CAAP1: variants seen among roughly 807,000 people sequenced by gnomAD.
The protein encoded by CAAP1 is caspase activity and apoptosis inhibitor 1.
In CAAP1, 20 loss-of-function variants were observed where a neutral mutation model predicts 34.0. The ratio of observed to expected loss-of-function variants is 0.59; its 90% CI spans 0.41 to 0.86. The LOEUF (loss-of-function observed/expected upper bound fraction) is 0.86, where lower values mean the gene tolerates loss of function less well. Ranked by LOEUF, CAAP1 falls within the 40% of genes least tolerant of loss-of-function variation. The pLI is 0.00. For missense variants in CAAP1, 538 were observed against 450.5 expected (o/e 1.19, Z -1.76); for synonymous variants, 213 against 166.7 (o/e 1.28, Z -2.14).
intron 4 of CAAP1, among the ~76,000 whole-genome samples, chr9:26,869,048 T>C (rs1347451798): frequency 6.6e-6 from 1 of 152,148 alleles, no homozygotes; most frequent in Non-Finnish European, 1.5e-5. Context: ...TTAAAATGTC[T>C]AATATACTGA....
chr9:26,874,535 A>G (rs931313860), intron 4 of CAAP1, among the ~76,000 whole-genome samples: 4 of 152,144 alleles, frequency 2.6e-5, no homozygotes, highest in African/African-American at 9.7e-5. Context: ...CGCTCCCTGT[A>G]CCCACCCCAA....
chr9:26,842,236 A>G lies in CAAP1; in HGVS notation c.*65T>C, dbSNP rs1822497923. On this transcript the variant is annotated 3_prime_UTR_variant, in exon 6 of 6. Transcript: ENST00000333916. ...ACATATAAGACCCCAAATAAATTTT[A>G]GATACAAAATTAAATGATGTGGCTT... 1 of 1,291,906 alleles carries G rather than the reference A, an allele frequency of 7.7e-7. No individual in the cohort carries two copies. Among genetic ancestry groups the G allele is most frequent in the Non-Finnish European group, 1.1e-6 (1 of 943,642 alleles). The allele number at this position is 1,291,906 out of a possible 1,614,324, so 80.0% of individuals were successfully genotyped here.
intron 4 of CAAP1, among the ~76,000 whole-genome samples, chr9:26,873,330 T>C (rs957283560): frequency 6.6e-6 from 1 of 152,224 alleles, no homozygotes; most frequent in African/African-American, 2.4e-5. Flanking sequence ...CATGATACTA[T>C]CTCAACACTG....
intron 4 of CAAP1, among the ~76,000 whole-genome samples, chr9:26,865,209 AG>A (rs1297886846): frequency 6.6e-6 from 1 of 152,214 alleles, no homozygotes; most frequent in Non-Finnish European, 1.5e-5. Flanking sequence ...GAATTTTTTA[AG>A]CAAAAGTAAA....
intron 4 of CAAP1, among the ~76,000 whole-genome samples, chr9:26,867,482 T>C (rs1205083657): frequency 2.0e-5 from 3 of 152,168 alleles, no homozygotes; most frequent in Admixed American, 6.5e-5. Flanking sequence ...CCTTTTGCTA[T>C]AAAAACTAAC....
At position 26,841,934 on chromosome 9, in the gene CAAP1, G is replaced by A. The variant is rs1311142659; in HGVS notation, c.*367C>T. 1 of 161,760 alleles carries A rather than the reference G, an allele frequency of 6.2e-6. No homozygotes were observed. The highest frequency in any genetic ancestry group is 2.4e-5 in the African/African-American group (1 of 41,786). The allele number at this position is 161,760 out of a possible 1,614,324, so 10.0% of individuals were successfully genotyped here. A position where few individuals can be genotyped will look rare whatever the true frequency, so the allele number is the denominator to read the frequency against. On this transcript the variant is annotated 3_prime_UTR_variant, in exon 6 of 6. Coordinates refer to ENST00000333916, the MANE Select transcript of CAAP1 (RefSeq NM_024828.4). ...TTGTAAAATACAAGTAGCCTTAAGAGAAACATGCTTCGTCAATCTTTTGCT... is the reference window on the plus strand; with the variant it reads ...TTGTAAAATACAAGTAGCCTTAAGAAAAACATGCTTCGTCAATCTTTTGCT...
rs1823853761 is a variant in CAAP1 at position 26,889,787 on chromosome 9, G to A, written c.304-2274C>T. 1.4e-5 allele frequency among the ~76,000 whole-genome samples: 2 copies of A among 144,566 alleles called. 1 individual carries two copies. The highest frequency in any genetic ancestry group is 5.2e-5 in the African/African-American group (2 of 38,340). The allele number at this position is 144,566 out of a possible 152,430, so 94.8% of individuals were successfully genotyped here. A position where few individuals can be genotyped will look rare whatever the true frequency, so the allele number is the denominator to read the frequency against. On this transcript the variant is annotated intron_variant, in intron 1 of 5. Coordinates refer to ENST00000333916, the MANE Select transcript of CAAP1 (RefSeq NM_024828.4). ...GGAGGCTGAGGCAGGAGAATGGCGT[G>A]AACCCAGGAGGCGGCGCTTGCAGTG...
Position 26,892,637 on chromosome 9 carries a change from C to G in CAAP1, c.79G>C (p.Asp27His). ...CCGCTGGCCAACGCGGGTACGATGT[C>G]CGGGGCCGCGAGCGCTGCGGCCGCC... ...QEAAAALAAP[D>H]IVPALASGSS... Residue 27 changes from aspartate to histidine, a missense_variant, in exon 1 of 6, where the codon GAC becomes CAC. By Grantham distance (81) the Asp-to-His change is moderately conservative (BLOSUM62 -1). Transcript: ENST00000333916. 1 of 1,608,696 alleles carries G rather than the reference C, an allele frequency of 6.2e-7. No homozygotes were observed. The highest frequency in any genetic ancestry group is 8.5e-7 in the Non-Finnish European group (1 of 1,179,320).
intron 4 of CAAP1, among the ~76,000 whole-genome samples, chr9:26,883,036 C>A (rs1823635757): frequency 6.6e-6 from 1 of 152,166 alleles, no homozygotes; most frequent in Non-Finnish European, 1.5e-5. Context: ...TTTGATTTTA[C>A]AGGCTCATAG....
chr9:26,863,859 A>C (rs1823064249), intron 4 of CAAP1, among the ~76,000 whole-genome samples: 1 of 151,056 alleles, frequency 6.6e-6, no homozygotes, highest in Non-Finnish European at 1.5e-5. Flanking sequence ...TGCAGTGATC[A>C]CAGCTCATTG....
chr9:26,882,144 C>T (rs1383746100), intron 4 of CAAP1, among the ~76,000 whole-genome samples: 2 of 152,184 alleles, frequency 1.3e-5, no homozygotes. Flanking sequence ...AGAAAATTTG[C>T]AGCCTGCCAA....
At chr9:26,848,372 C>T (rs1056513349) in intron 5 of CAAP1, among the ~76,000 whole-genome samples, 1 of 152,204 alleles carries the variant, frequency 6.6e-6, no homozygotes, top group Non-Finnish European at 1.5e-5. Flanking sequence ...AAAAATTAGC[C>T]GGGCCTGGTG....
chr9:26,869,993 C>CT, intron 4 of CAAP1: 1 of 908,436 alleles, frequency 1.1e-6, no homozygotes, highest in Non-Finnish European at 1.3e-6. Flanking sequence ...GGAAAAATGA[C>CT]AATAGATACA....
At chr9:26,888,399 C>G (rs1823807546) in intron 1 of CAAP1, among the ~76,000 whole-genome samples, 1 of 152,224 alleles carries the variant, frequency 6.6e-6, no homozygotes, top group African/African-American at 2.4e-5. Flanking sequence ...CTATGACAGT[C>G]TTTCCTCCCT....
At chr9:26,877,273 T>C (rs1201528712) in intron 4 of CAAP1, among the ~76,000 whole-genome samples, 6 of 152,168 alleles carry the variant, frequency 3.9e-5, no homozygotes, top group East Asian at 1.9e-4. Context: ...AGTATGTATA[T>C]GCAAATATTC....
At chr9:26,867,756 C>T (rs573036199) in intron 4 of CAAP1, among the ~76,000 whole-genome samples, 2 of 151,980 alleles carry the variant, frequency 1.3e-5, no homozygotes, top group African/African-American at 2.4e-5. Context: ...ATTAATATGT[C>T]CATAAGTATA....
chr9:26,862,572 G>A (rs1256082473), intron 4 of CAAP1, among the ~76,000 whole-genome samples: 1 of 152,050 alleles, frequency 6.6e-6, no homozygotes, highest in Admixed American at 6.6e-5. Flanking sequence ...ACTCAAAATG[G>A]AAATGAGTAA....
At chr9:26,854,237 A>G (rs1268294881) in intron 5 of CAAP1, among the ~76,000 whole-genome samples, 1 of 152,222 alleles carries the variant, frequency 6.6e-6, no homozygotes, top group Non-Finnish European at 1.5e-5. Context: ...AATTCATTCA[A>G]TCCTTACACC....
chr9:26,890,357 T>A (rs1238105452), intron 1 of CAAP1, among the ~76,000 whole-genome samples: 1 of 148,902 alleles, frequency 6.7e-6, no homozygotes, highest in South Asian at 2.1e-4. Context: ...GGCGACACAG[T>A]GAGAGCCTAT....
Sources: allele counts gnomAD v4.1 joint callset (sites outside exome capture counted in the v4.1 genomes callset), GRCh38; gene constraint gnomAD v4.1.1; transcripts MANE v1.5; gene names NCBI Gene and HGNC (gene_info 2026-07-23, HGNC 2026-07-21).